The following RYR2 variants were observed in gnomAD, a reference collection of about 807,000 sequenced individuals.
RYR2 encodes ryanodine receptor 2.
RYR2 carries 227 observed loss-of-function variants against 601.1 expected under a neutral mutation model. The ratio of observed to expected loss-of-function variants is 0.38; its 90% CI spans 0.34 to 0.42. The LOEUF is 0.42. Among genes scored for constraint, RYR2 ranks in the 10% least tolerant of loss-of-function variants. RYR2 has a pLI of 1.00. For synonymous variants in RYR2, 2,223 were observed against 2,175.1 expected, an observed-to-expected ratio of 1.02 and a Z score of -0.61; for missense variants, 4,646 against 6,156.5, an observed-to-expected ratio of 0.75 and a Z score of 8.21.
intron 30 of RYR2, among the ~76,000 whole-genome samples, chr1:237,590,340 C>T (rs1378428853): frequency 6.6e-6 from 1 of 152,044 alleles, no homozygotes; most frequent in Non-Finnish European, 1.5e-5. Flanking sequence ...ATATTAGTTA[C>T]GTTACAAGTA....
chr1:237,190,670 G>C (rs911383784), intron 1 of RYR2, among the ~76,000 whole-genome samples: 1 of 152,158 alleles, frequency 6.6e-6, no homozygotes, highest in African/African-American at 2.4e-5. Flanking sequence ...ATGGTATTAG[G>C]TATTATAAGT....
chr1:237,569,012 C>A (rs923744413), intron 28 of RYR2, 133 bp from the exon 29 acceptor site: 1 of 653,110 alleles, frequency 1.5e-6, no homozygotes, highest in Non-Finnish European at 2.5e-6. Flanking sequence ...TGCAGTAGAC[C>A]GATATGCCAG....
At chr1:237,146,779 T>C (rs1285648953) in intron 1 of RYR2, among the ~76,000 whole-genome samples, 3 of 152,214 alleles carry the variant, frequency 2.0e-5, no homozygotes, top group Non-Finnish European at 2.9e-5. Flanking sequence ...TCTATTCTAG[T>C]AGTTTTGTTC....
At chr1:237,818,019 G>A (rs1662032075) in intron 100 of RYR2, among the ~76,000 whole-genome samples, 1 of 152,152 alleles carries the variant, frequency 6.6e-6, no homozygotes, top group Admixed American at 6.5e-5. Context: ...GCAAAGATCT[G>A]GAATCAGGAA....
Position 237,171,436 on chromosome 1 carries a change from G to A in RYR2, c.49-99061G>A, listed in dbSNP as rs189879409. 5.3e-5 allele frequency among the ~76,000 whole-genome samples: 8 copies of A among 152,170 alleles called. No homozygotes were observed. In the East Asian group the frequency reaches 1.4e-3, roughly 26 times the overall value. On this transcript the variant is annotated intron_variant, in intron 1 of 104. Coordinates refer to ENST00000366574, the MANE Select transcript of RYR2 (RefSeq NM_001035.3). The stretch of plus-strand genomic sequence containing the variant: ...AACTCACTAAGCCTGTCCTGTTGAT[G>A]ATCACCTCTAGAGGAAATACAGGTG...
intron 6 of RYR2, 27 bp downstream of exon 6, chr1:237,369,635 C>T: frequency 6.5e-7 from 1 of 1,542,888 alleles, no homozygotes; most frequent in Non-Finnish European, 8.8e-7. Flanking sequence ...TTTCATCTCC[C>T]TGTGGTCATG....
chr1:237,058,987 G>A (rs1198614271), intron 1 of RYR2, among the ~76,000 whole-genome samples: 3 of 151,870 alleles, frequency 2.0e-5, no homozygotes, highest in African/African-American at 7.3e-5. Context: ...AATTTCACAT[G>A]TCTAGCAGAA....
chr1:237,121,745 G>A (rs1228098145), intron 1 of RYR2, among the ~76,000 whole-genome samples: 1 of 152,204 alleles, frequency 6.6e-6, no homozygotes, highest in East Asian at 1.9e-4. Flanking sequence ...AGGCCACCAT[G>A]GGTTCCTTGG....
intron 24 of RYR2, among the ~76,000 whole-genome samples, chr1:237,527,411 C>G (rs528200047): frequency 2.6e-5 from 4 of 152,152 alleles, no homozygotes; most frequent in African/African-American, 9.7e-5. Flanking sequence ...CAAGTTGATA[C>G]ATAAAATTAG....
intron 1 of RYR2, among the ~76,000 whole-genome samples, chr1:237,104,438 G>C (rs1668449448): frequency 6.6e-6 from 1 of 152,162 alleles, no homozygotes; most frequent in Non-Finnish European, 1.5e-5. Context: ...GGCCAGCTCA[G>C]CACCTTTCCC....
chr1:237,676,338 A>G (rs1251071003), intron 60 of RYR2, among the ~76,000 whole-genome samples: 1 of 152,198 alleles, frequency 6.6e-6, no homozygotes, highest in Middle Eastern at 3.2e-3. Context: ...TGAATAAACT[A>G]CCTACTACAG....
intron 1 of RYR2, among the ~76,000 whole-genome samples, chr1:237,096,549 T>A (rs1667526341): frequency 6.6e-6 from 1 of 152,198 alleles, no homozygotes; most frequent in African/African-American, 2.4e-5. Context: ...CAATATACAT[T>A]GGTATATATT....
In RYR2 at chr1:237,707,064, A is replaced by G. The variant is rs1688442797; in HGVS notation, c.9696A>G (p.Pro3232=). ...AESGIRYTQM[P]HVMEVILPML... is the part of the protein sequence containing the mutation. ...CCGGCATTCGCTACACTCAAATGCC[A>G]CATGTCATGGAAGTCATACTGCCCA... The change falls in exon 68 of 105, where the codon CCA becomes CCG. Residue 3232 remains proline (P), a synonymous_variant. Transcript: ENST00000366574. 1 of 1,613,902 alleles carries G rather than the reference A, an allele frequency of 6.2e-7. No individual in the cohort carries two copies.
intron 1 of RYR2, among the ~76,000 whole-genome samples, chr1:237,044,263 A>G (rs1660289338): frequency 6.6e-6 from 1 of 152,006 alleles, no homozygotes; most frequent in African/African-American, 2.4e-5. Context: ...GTGGACAAAT[A>G]CGGTTGCTGT....
At chr1:237,454,278 T>A in intron 14 of RYR2, 113 bp from the exon 15 acceptor site, 1 of 1,064,812 alleles carries the variant, frequency 9.4e-7, no homozygotes. Flanking sequence ...TTCTGACATG[T>A]CCCTTTTACA....
intron 17 of RYR2, among the ~76,000 whole-genome samples, chr1:237,472,162 T>TGA (rs1400875908): frequency 7.2e-5 from 11 of 152,346 alleles, no homozygotes; most frequent in African/African-American, 2.6e-4. Context: ...GTAACAATGA[T>TGA]GAGATGCACA....
At chr1:237,378,988 A>G (rs1052060622) in intron 8 of RYR2, among the ~76,000 whole-genome samples, 4 of 152,240 alleles carry the variant, frequency 2.6e-5, no homozygotes, top group African/African-American at 9.6e-5. Flanking sequence ...AATAGTCACC[A>G]TGCGAATTTC....
rs746133377 is a variant in RYR2, at chr1:237,546,993, A to ATATATTTATT, written c.2907-1435_2907-1434insATTTATTTAT. On this transcript the variant is annotated intron_variant, in intron 25 of 104. Coordinates refer to ENST00000366574, the MANE Select transcript of RYR2 (RefSeq NM_001035.3). ...TTCAAAAGCATATATATATATATAT[A>ATATATTTATT]TATTTATTTATTTATTTATTTATTT... is the stretch of plus-strand genomic sequence containing the variant. Among the ~76,000 whole-genome samples, 40 of 127,396 alleles carry ATATATTTATT rather than the reference A, an allele frequency of 3.1e-4. 1 individual carries two copies. Among genetic ancestry groups the ATATATTTATT allele is most frequent in the Non-Finnish European group, 4.6e-4 (28 of 60,930 alleles). The allele number at this position is 127,396 out of a possible 152,430, so 83.6% of individuals were successfully genotyped here.
intron 80 of RYR2, chr1:237,743,544 G>T (rs1691800463): frequency 1.9e-6 from 1 of 517,702 alleles, no homozygotes; most frequent in Non-Finnish European, 3.9e-6. Context: ...TCTATCCGTT[G>T]TCTTCAGAGC....
Sources: allele counts gnomAD v4.1 joint callset (sites outside exome capture counted in the v4.1 genomes callset), GRCh38; gene constraint gnomAD v4.1.1; transcripts MANE v1.5; gene names NCBI Gene and HGNC (gene_info 2026-07-23, HGNC 2026-07-21).